The following NXPH1 variants were observed in gnomAD, a reference collection of about 807,000 sequenced individuals.
NXPH1 encodes neurexophilin-1.
A neutral mutation model predicts 23.7 loss-of-function variants in NXPH1; 5 were observed. The observed-to-expected ratio is 0.21, with a 90% confidence interval of 0.11 to 0.44. The LOEUF (loss-of-function observed/expected upper bound fraction) is 0.44, where lower values mean the gene tolerates loss of function less well. Among genes scored for constraint, NXPH1 ranks in the 20% least tolerant of loss-of-function variants. The pLI, the probability that NXPH1 is intolerant of heterozygous loss-of-function variation, is 0.99. For missense variants in NXPH1, 324 were observed against 321.6 expected (o/e 1.01, Z -0.06); for synonymous variants, 144 against 122.2 (o/e 1.18, Z -1.18).
chr7:8,734,575 G>T (rs561694735), intron 2 of NXPH1, among the ~76,000 whole-genome samples: 1 of 151,942 alleles, frequency 6.6e-6, no homozygotes, highest in African/African-American at 2.4e-5. Context: ...TATGATTTCC[G>T]TTCTTTTGTA....
chr7:8,561,441 T>C (rs1818444353), intron 2 of NXPH1, among the ~76,000 whole-genome samples: 1 of 151,252 alleles, frequency 6.6e-6, no homozygotes, highest in Non-Finnish European at 1.5e-5. Flanking sequence ...CTGGGCTGTT[T>C]TCAGTAATTA....
intron 2 of NXPH1, among the ~76,000 whole-genome samples, chr7:8,721,246 A>G (rs915108960): frequency 6.6e-6 from 1 of 152,148 alleles, no homozygotes; most frequent in Non-Finnish European, 1.5e-5. Flanking sequence ...ACACATACAT[A>G]CATATATGCA....
At chr7:8,615,450 A>G (rs746379808) in intron 2 of NXPH1, among the ~76,000 whole-genome samples, 8 of 152,032 alleles carry the variant, frequency 5.3e-5, no homozygotes, top group Non-Finnish European at 8.8e-5. Flanking sequence ...GTAAGCTTTC[A>G]ATAGATGTTA....
At chr7:8,503,344 A>G (rs527693202) in intron 2 of NXPH1, among the ~76,000 whole-genome samples, 3 of 152,086 alleles carry the variant, frequency 2.0e-5, no homozygotes, top group South Asian at 4.1e-4. Flanking sequence ...TTTTGACTCC[A>G]TAGTCTACTC....
intron 2 of NXPH1, among the ~76,000 whole-genome samples, chr7:8,508,739 C>G (rs370293803): frequency 6.6e-6 from 1 of 152,014 alleles, no homozygotes; most frequent in South Asian, 2.1e-4. Flanking sequence ...TGCAAAGGGT[C>G]TAAGTTCAAT....
chr7:8,548,275 T>A (rs552238924), intron 2 of NXPH1, among the ~76,000 whole-genome samples: 7 of 151,590 alleles, frequency 4.6e-5, no homozygotes, highest in Non-Finnish European at 1.0e-4. Context: ...CTACTCCTAG[T>A]GTAGCTCACT....
intron 2 of NXPH1, among the ~76,000 whole-genome samples, chr7:8,552,072 A>C (rs994420717): frequency 6.8e-6 from 1 of 147,136 alleles, no homozygotes; most frequent in African/African-American, 2.5e-5. Context: ...AAGAACAATA[A>C]TTCTATTTTG....
At chr7:8,750,961 T>G in intron 2 of NXPH1, 47 bp from the exon 3 acceptor site, 1 of 1,569,852 alleles carries the variant, frequency 6.4e-7, no homozygotes, top group Admixed American at 1.7e-5. Flanking sequence ...TTGGGTGTTA[T>G]TCTCAGATGC....
intron 2 of NXPH1, among the ~76,000 whole-genome samples, chr7:8,493,083 C>G (rs1256379603): frequency 6.6e-6 from 1 of 151,986 alleles, no homozygotes; most frequent in Non-Finnish European, 1.5e-5. Context: ...GAATAATCCA[C>G]TCTCCTCTCG....
At chr7:8,748,530 G>T (rs945798192) in intron 2 of NXPH1, among the ~76,000 whole-genome samples, 28 of 152,192 alleles carry the variant, frequency 1.8e-4, no homozygotes, top group African/African-American at 5.5e-4. Flanking sequence ...GTTTCTCTTA[G>T]ATGTGACCTT....
chr7:8,582,876 C>T (rs1389458767), intron 2 of NXPH1, among the ~76,000 whole-genome samples: 1 of 152,192 alleles, frequency 6.6e-6, no homozygotes, highest in Non-Finnish European at 1.5e-5. Context: ...CAGCCTCCTG[C>T]TGCCATCAAT....
intron 2 of NXPH1, among the ~76,000 whole-genome samples, chr7:8,555,537 GC>G (rs1180863505): frequency 1.3e-5 from 2 of 151,586 alleles, no homozygotes; most frequent in African/African-American, 4.8e-5. Context: ...GTCTTTGAGG[GC>G]TGGAGAGGAG....
intron 2 of NXPH1, among the ~76,000 whole-genome samples, chr7:8,651,182 C>T (rs566470904): frequency 2.3e-4 from 33 of 145,574 alleles, no homozygotes; most frequent in Middle Eastern, 3.5e-3. Context: ...TCCATGTGTT[C>T]TCATTGTTCA....
chr7:8,465,285 T>C (rs374688613), intron 2 of NXPH1, among the ~76,000 whole-genome samples: 1 of 152,240 alleles, frequency 6.6e-6, no homozygotes, highest in Non-Finnish European at 1.5e-5. Flanking sequence ...ATTTCTGTTA[T>C]AGCCCCCTTT....
intron 2 of NXPH1, among the ~76,000 whole-genome samples, chr7:8,649,274 G>T: frequency 6.6e-6 from 1 of 151,850 alleles, no homozygotes; most frequent in Non-Finnish European, 1.5e-5. Context: ...CTTATTTTGT[G>T]CTGTTTTTCA....
intron 2 of NXPH1, among the ~76,000 whole-genome samples, chr7:8,634,273 A>G (rs1237195389): frequency 6.6e-6 from 1 of 152,062 alleles, no homozygotes; most frequent in Non-Finnish European, 1.5e-5. Context: ...ATGGTTTCAT[A>G]AAGGGCGGTT....
intron 2 of NXPH1, among the ~76,000 whole-genome samples, chr7:8,702,399 T>C (rs1157067870): frequency 2.0e-5 from 3 of 152,102 alleles, no homozygotes; most frequent in African/African-American, 7.2e-5. Context: ...CCGATATTTA[T>C]TTGAGGAATT....
Position 8,696,621 on chromosome 7 carries a change from C to A in NXPH1, c.55-54387C>A, listed in dbSNP as rs183338903. 3.9e-5 allele frequency among the ~76,000 whole-genome samples: 6 copies of A among 152,200 alleles called. No individual in the cohort carries two copies. The East Asian group carries it at 9.7e-4, about 25-fold the overall frequency. ...GTAATTTCCAGGCATATAGTTCCAGCATAGAGCAAAAGTCTTAGGGCTGAA... is the reference window on the plus strand; with the variant it reads ...GTAATTTCCAGGCATATAGTTCCAGAATAGAGCAAAAGTCTTAGGGCTGAA... On this transcript the variant is annotated intron_variant, in intron 2 of 2. Transcript: ENST00000405863.
intron 2 of NXPH1, among the ~76,000 whole-genome samples, chr7:8,606,304 C>A (rs1819489405): frequency 6.6e-6 from 1 of 152,058 alleles, no homozygotes. Flanking sequence ...ATGGAAAACT[C>A]TTCTCCTTTT....
Sources: gnomAD v4.1 joint callset for allele counts (sites outside exome capture counted in the v4.1 genomes callset) on GRCh38, gnomAD v4.1.1 for gene constraint, MANE v1.5 for transcripts, NCBI Gene and HGNC (gene_info 2026-07-23, HGNC 2026-07-21) for gene names.